The following KCTD8 variants were observed in gnomAD, a reference collection of about 807,000 sequenced individuals.
KCTD8 encodes the protein potassium channel tetramerization domain containing 8, also known as BTB/POZ domain-containing protein KCTD8.
KCTD8 carries 27 observed loss-of-function variants against 31.5 expected under a neutral mutation model. The ratio of observed to expected loss-of-function variants is 0.86; its 90% CI spans 0.63 to 1.18. The LOEUF is 1.18. KCTD8 is among the 50% of genes most tolerant of loss of function. The pLI, the probability that KCTD8 is intolerant of heterozygous loss-of-function variation, is 0.00. For synonymous variants in KCTD8, 290 were observed against 280.0 expected, an observed-to-expected ratio of 1.04 and a Z score of -0.36; for missense variants, 658 against 647.7, an observed-to-expected ratio of 1.02 and a Z score of -0.17.
intron 1 of KCTD8, among the ~76,000 whole-genome samples, chr4:44,184,275 A>T (rs111693271): frequency 3.3e-5 from 5 of 152,172 alleles, no homozygotes; most frequent in African/African-American, 1.2e-4. Flanking sequence ...GCTACATTGA[A>T]ACTTACAGGT....
intron 1 of KCTD8, among the ~76,000 whole-genome samples, chr4:44,430,311 C>T (rs1445574962): frequency 1.3e-5 from 2 of 151,646 alleles, no homozygotes; most frequent in East Asian, 3.9e-4. Flanking sequence ...CAAGAGTGTT[C>T]AGGGTATTTC....
At chr4:44,402,111 T>C (rs1041450128) in intron 1 of KCTD8, among the ~76,000 whole-genome samples, 3 of 152,122 alleles carry the variant, frequency 2.0e-5, no homozygotes, top group African/African-American at 4.8e-5. Flanking sequence ...GACGTGGCAT[T>C]TGAATGATTA....
At chr4:44,439,118 C>T (rs1237901354) in intron 1 of KCTD8, among the ~76,000 whole-genome samples, 2 of 152,154 alleles carry the variant, frequency 1.3e-5, no homozygotes, top group Admixed American at 6.5e-5. Context: ...CACAGTACTA[C>T]TCTCCCTATT....
intron 1 of KCTD8, among the ~76,000 whole-genome samples, chr4:44,362,686 A>G (rs1387632194): frequency 2.0e-5 from 3 of 152,186 alleles, no homozygotes; most frequent in Admixed American, 6.5e-5. Context: ...GATACTACAG[A>G]GAATTTACTC....
chr4:44,187,746 T>C (rs1028242904), intron 1 of KCTD8, among the ~76,000 whole-genome samples: 3 of 152,166 alleles, frequency 2.0e-5, no homozygotes, highest in Non-Finnish European at 2.9e-5. Flanking sequence ...CTCTACAACA[T>C]GTCTGGTGGC....
intron 1 of KCTD8, among the ~76,000 whole-genome samples, chr4:44,223,914 C>T (rs1054802354): frequency 1.3e-5 from 2 of 152,170 alleles, no homozygotes; most frequent in African/African-American, 2.4e-5. Context: ...AGTTGCAATA[C>T]AGATTATGGA....
At chr4:44,436,882 C>G (rs948610860) in intron 1 of KCTD8, among the ~76,000 whole-genome samples, 1 of 152,086 alleles carries the variant, frequency 6.6e-6, no homozygotes, top group Non-Finnish European at 1.5e-5. Flanking sequence ...AAGGCCACTG[C>G]TCTGCTGACA....
chr4:44,218,893 G>T (rs894164275), intron 1 of KCTD8, among the ~76,000 whole-genome samples: 1 of 152,010 alleles, frequency 6.6e-6, no homozygotes, highest in Non-Finnish European at 1.5e-5. Context: ...ACTGACTTTC[G>T]TAACAGTGGA....
At chr4:44,306,726 T>C (rs1323401518) in intron 1 of KCTD8, among the ~76,000 whole-genome samples, 6 of 151,992 alleles carry the variant, frequency 3.9e-5, no homozygotes, top group African/African-American at 1.2e-4. Flanking sequence ...GACCAGAGCT[T>C]AGCCAACTGC....
intron 1 of KCTD8, among the ~76,000 whole-genome samples, chr4:44,400,853 T>C (rs1394772671): frequency 6.6e-6 from 1 of 151,948 alleles, no homozygotes; most frequent in Non-Finnish European, 1.5e-5. Flanking sequence ...AGTAATATTT[T>C]TTTTTTAGTT....
chr4:44,373,592 A>T (rs930258252), intron 1 of KCTD8, among the ~76,000 whole-genome samples: 3 of 152,198 alleles, frequency 2.0e-5, no homozygotes, highest in African/African-American at 7.2e-5. Context: ...CTTGACCCAT[A>T]GGAAGTATTA....
chr4:44,435,355 G>A (rs1476419238), intron 1 of KCTD8, among the ~76,000 whole-genome samples: 1 of 151,984 alleles, frequency 6.6e-6, no homozygotes, highest in Non-Finnish European at 1.5e-5. Context: ...TCTAATCCTT[G>A]CCAGAATCCT....
chr4:44,235,490 AT>A (rs1178438183), intron 1 of KCTD8, among the ~76,000 whole-genome samples: 2 of 130,802 alleles, frequency 1.5e-5, no homozygotes, highest in Non-Finnish European at 3.3e-5. Flanking sequence ...GGATGACTGG[AT>A]TTTACCCATG....
intron 1 of KCTD8, among the ~76,000 whole-genome samples, chr4:44,319,643 A>T (rs1718236734): frequency 6.6e-6 from 1 of 152,200 alleles, no homozygotes; most frequent in Non-Finnish European, 1.5e-5. Context: ...AAGAATTATT[A>T]TGAACTTCCT....
intron 1 of KCTD8, among the ~76,000 whole-genome samples, chr4:44,415,496 A>G (rs1382090909): frequency 6.6e-6 from 1 of 152,182 alleles, no homozygotes; most frequent in Non-Finnish European, 1.5e-5. Flanking sequence ...TCTTCTAGAC[A>G]GTTCCTCCCA....
intron 1 of KCTD8, among the ~76,000 whole-genome samples, chr4:44,186,193 A>ACACCGAC (rs1713582029): frequency 6.6e-6 from 1 of 152,188 alleles, no homozygotes; most frequent in Admixed American, 6.5e-5. Flanking sequence ...GCGAAAGAGC[A>ACACCGAC]CACCGACAGG....
intron 1 of KCTD8, among the ~76,000 whole-genome samples, chr4:44,257,871 T>C (rs1167529107): frequency 6.6e-6 from 1 of 152,010 alleles, no homozygotes; most frequent in East Asian, 1.9e-4. Context: ...ATCCGTTGAC[T>C]TGAATTCCCA....
At chr4:44,297,657 C>G (rs1040599991) in intron 1 of KCTD8, among the ~76,000 whole-genome samples, 2 of 152,122 alleles carry the variant, frequency 1.3e-5, no homozygotes, top group African/African-American at 4.8e-5. Context: ...AATACCATGT[C>G]TGCTTCTCCC....
intron 1 of KCTD8, among the ~76,000 whole-genome samples, chr4:44,356,870 C>T (rs1180981989): frequency 6.6e-6 from 1 of 152,170 alleles, no homozygotes; most frequent in African/African-American, 2.4e-5. Flanking sequence ...AACTTGGAGA[C>T]TTGTCTGTGT....
Sources: allele counts gnomAD v4.1 joint callset (sites outside exome capture counted in the v4.1 genomes callset), GRCh38; gene constraint gnomAD v4.1.1; transcripts MANE v1.5; gene names NCBI Gene and HGNC (gene_info 2026-07-23, HGNC 2026-07-21).